MELK: variants seen among roughly 807,000 people sequenced by gnomAD.
The protein encoded by MELK is maternal embryonic leucine zipper kinase.
MELK carries 81 observed loss-of-function variants against 85.0 expected under a neutral mutation model. The ratio of observed to expected loss-of-function variants is 0.95; its 90% CI spans 0.80 to 1.15. MELK has a LOEUF of 1.15. Ranked by LOEUF, MELK falls within the 50% of genes most tolerant of loss-of-function variation. MELK has a pLI of 0.00. For synonymous variants in MELK, 252 were observed against 265.0 expected (o/e 0.95, Z 0.48); for missense variants, 754 against 777.5 (o/e 0.97, Z 0.36).
intron 13 of MELK, among the ~76,000 whole-genome samples, chr9:36,661,747 T>C (rs1300555937): frequency 6.6e-6 from 1 of 152,012 alleles, no homozygotes; most frequent in Non-Finnish European, 1.5e-5. Flanking sequence ...CCATCCTGGC[T>C]AACACAATGA....
At chr9:36,595,569 G>GT (rs1229627600) in intron 5 of MELK, among the ~76,000 whole-genome samples, 2 of 148,286 alleles carry the variant, frequency 1.3e-5, no homozygotes, top group African/African-American at 5.0e-5. Flanking sequence ...AGCATTCTGT[G>GT]TATCTGTCAA....
In MELK at chr9:36,630,227, G is replaced by T. The variant is rs1037308365; in HGVS notation, c.667-72G>T. Reference sequence around the variant, plus strand: ...CTTCAAGCTTAAAAGTAAACCTCCAGCATGTTATTACCTAAGGAATTTGTG... The same window carrying T: ...CTTCAAGCTTAAAAGTAAACCTCCATCATGTTATTACCTAAGGAATTTGTG... On this transcript the variant is annotated intron_variant, in intron 8 of 17. Transcript: ENST00000298048. The T allele has an allele frequency of 6.4e-6, 7 of 1,093,806 alleles. No homozygotes were observed. The South Asian group carries it at 6.6e-5, about 10-fold the overall frequency. The allele number at this position is 1,093,806 out of a possible 1,614,324, so 67.8% of individuals were successfully genotyped here.
chr9:36,636,054 T>C (rs1421792973), intron 10 of MELK, among the ~76,000 whole-genome samples: 1 of 152,066 alleles, frequency 6.6e-6, no homozygotes, highest in Non-Finnish European at 1.5e-5. Context: ...CTCAAAGTGC[T>C]GGGATTACAG....
At position 36,661,827 on chromosome 9, in the gene MELK, C is replaced by T. The variant is rs1466650903; in HGVS notation, c.1177-3523C>T. Among the ~76,000 whole-genome samples the T allele has an allele frequency of 1.3e-5, 2 of 151,558 alleles. 1 individual carries two copies. The highest frequency in any genetic ancestry group is 2.9e-5 in the Non-Finnish European group (2 of 67,962). The stretch of plus-strand genomic sequence containing the variant: ...TGGCGGGCACCTCTAGTCCCAGTTA[C>T]TTGGGAGGCTGAGGCAGGAGAATGG... On this transcript the variant is annotated intron_variant, in intron 13 of 17. Coordinates refer to ENST00000298048, the MANE Select transcript of MELK (RefSeq NM_014791.4).
chr9:36,628,944 G>A lies in MELK; in HGVS notation c.667-1355G>A, dbSNP rs147136748. Among the ~76,000 whole-genome samples the A allele has an allele frequency of 2.4e-4, 34 of 143,186 alleles. No homozygotes were observed. The East Asian group carries it at 3.6e-3, about 15-fold the overall frequency. The allele number at this position is 143,186 out of a possible 152,430, so 93.9% of individuals were successfully genotyped here. ...TGCAGTGACACGATCTGGGCTCACCGCAACCTCCGCCTCCTGAGTTCAAGC... is the reference window on the plus strand; with the variant it reads ...TGCAGTGACACGATCTGGGCTCACCACAACCTCCGCCTCCTGAGTTCAAGC... On this transcript the variant is annotated intron_variant, in intron 8 of 17. Transcript: ENST00000298048.
Position 36,594,643 on chromosome 9 carries a change from G to A in MELK, c.277G>A (p.Glu93Lys), listed in dbSNP as rs1441995840. Reference sequence around the variant, plus strand: ...GCTGTTGAAGTACTGCCCTGGAGGAGAGCTGTTTGACTATATAATTTCCCA... The same window carrying A: ...GCTGTTGAAGTACTGCCCTGGAGGAAAGCTGTTTGACTATATAATTTCCCA... ...FMVLEYCPGG[E>K]LFDYIISQDR... The change falls in exon 5 of 18, where the codon GAG becomes AAG. Residue 93 changes from glutamate (E) to lysine (K), a missense_variant. Physicochemically the swap from Glu to Lys is moderately conservative, Grantham distance 56. Transcript: ENST00000298048. 5.6e-6 allele frequency: 9 copies of A among 1,614,044 alleles called. 1 individual carries two copies. In the South Asian group the frequency reaches 9.9e-5, roughly 18 times the overall value.
intron 7 of MELK, among the ~76,000 whole-genome samples, chr9:36,605,496 G>A (rs1260991174): frequency 3.9e-5 from 6 of 152,096 alleles, no homozygotes. Flanking sequence ...ATAGGTGTGA[G>A]CCACTGCACC....
At chr9:36,581,601 C>A (rs377030161) in intron 1 of MELK, 43 bp from the exon 2 acceptor site, 1 of 947,482 alleles carries the variant, frequency 1.1e-6, no homozygotes, top group Non-Finnish European at 1.7e-6. Flanking sequence ...GGAGATGATC[C>A]GGTATTATTT....
At chr9:36,622,684 C>G (rs545768380) in intron 8 of MELK, among the ~76,000 whole-genome samples, 17 of 152,202 alleles carry the variant, frequency 1.1e-4, no homozygotes, top group African/African-American at 4.1e-4. Context: ...AAATTGCTGC[C>G]TAACAATTAC....
At chr9:36,660,360 C>A (rs529042239) in intron 13 of MELK, among the ~76,000 whole-genome samples, 1 of 152,164 alleles carries the variant, frequency 6.6e-6, no homozygotes, top group Non-Finnish European at 1.5e-5. Flanking sequence ...TTCCGTCAAC[C>A]AGGCTGGAGT....
At chr9:36,656,530 A>T (rs1040202882) in intron 12 of MELK, among the ~76,000 whole-genome samples, 2 of 152,222 alleles carry the variant, frequency 1.3e-5, no homozygotes, top group Non-Finnish European at 2.9e-5. Context: ...TATGCCTGGA[A>T]TACAGTTTTG....
intron 5 of MELK, among the ~76,000 whole-genome samples, chr9:36,595,116 G>A (rs907791107): frequency 4.7e-5 from 7 of 150,000 alleles, no homozygotes; most frequent in African/African-American, 1.7e-4. Flanking sequence ...TAGTAGAGAT[G>A]GGGTTTCACC....
At chr9:36,582,971 C>T (rs1041689234) in intron 2 of MELK, among the ~76,000 whole-genome samples, 35 of 151,424 alleles carry the variant, frequency 2.3e-4, no homozygotes, top group Middle Eastern at 3.4e-3. Flanking sequence ...TGCTTATCTT[C>T]AAAGTTTTTT....
At chr9:36,641,056 T>A (rs75316031) in intron 10 of MELK, among the ~76,000 whole-genome samples, 1 of 152,136 alleles carries the variant, frequency 6.6e-6, no homozygotes, top group Non-Finnish European at 1.5e-5. Flanking sequence ...ATGTGTAGTA[T>A]CAACCTGGAG....
chr9:36,575,690 A>G (rs1424192495), intron 1 of MELK, among the ~76,000 whole-genome samples: 1 of 152,324 alleles, frequency 6.6e-6, no homozygotes. Context: ...TCCAGAGGCC[A>G]TGACTGGGAT....
At chr9:36,596,581 G>T (rs1356024910) in intron 5 of MELK, among the ~76,000 whole-genome samples, 4,312 of 97,468 alleles carry the variant, frequency 0.044, 332 homozygotes, top group African/African-American at 0.18. Context: ...TGTTTTTTTT[G>T]TTTTTTTTGT....
At chr9:36,644,706 C>A (rs1830069141) in intron 11 of MELK, among the ~76,000 whole-genome samples, 1 of 152,104 alleles carries the variant, frequency 6.6e-6, no homozygotes, top group Admixed American at 6.6e-5. Context: ...GAAGACTATA[C>A]TTTAGATACT....
intron 3 of MELK, among the ~76,000 whole-genome samples, chr9:36,584,321 CT>C (rs1433344914): frequency 1.9e-3 from 165 of 84,732 alleles, no homozygotes; most frequent in Admixed American, 2.8e-3. Context: ...CTTTTCTTTA[CT>C]TTTTTTTTTT....
chr9:36,620,474 C>T (rs1030557417), intron 8 of MELK, among the ~76,000 whole-genome samples: 1 of 151,726 alleles, frequency 6.6e-6, no homozygotes, highest in Admixed American at 6.6e-5. Context: ...CATTCCAGCT[C>T]TGAGTAGCTA....
Sources: gnomAD v4.1 joint callset for allele counts (sites outside exome capture counted in the v4.1 genomes callset) on GRCh38, gnomAD v4.1.1 for gene constraint, MANE v1.5 for transcripts, NCBI Gene and HGNC (gene_info 2026-07-23, HGNC 2026-07-21) for gene names.